Variants in SLC30A9 observed in about 807,000 individuals in gnomAD.
SLC30A9 encodes solute carrier family 30 member 9.
SLC30A9 carries 58 observed loss-of-function variants against 87.5 expected under a neutral mutation model. The observed-to-expected ratio is 0.66, with a 90% CI of 0.54 to 0.82. The LOEUF is 0.82. Ranked by LOEUF, SLC30A9 falls within the 40% of genes least tolerant of loss-of-function variation. SLC30A9 has a pLI of 0.00. For missense variants in SLC30A9, 557 were observed against 679.1 expected, an observed-to-expected ratio of 0.82 and a Z score of 2.00; for synonymous variants, 234 against 233.0, an observed-to-expected ratio of 1.00 and a Z score of -0.04.
At chr4:42,041,211 G>A (rs1431226327) in intron 8 of SLC30A9, among the ~76,000 whole-genome samples, 1 of 152,148 alleles carries the variant, frequency 6.6e-6, no homozygotes, top group Non-Finnish European at 1.5e-5. Context: ...AATTATAGGA[G>A]CTACAAGATG....
chr4:42,035,365 T>C (rs1716637315), intron 7 of SLC30A9, 32 bp downstream of exon 7: 1 of 1,593,012 alleles, frequency 6.3e-7, no homozygotes, highest in Non-Finnish European at 8.6e-7. Flanking sequence ...TGTGTGTGTT[T>C]GTGTTGCACA....
intron 2 of SLC30A9, among the ~76,000 whole-genome samples, chr4:42,010,284 G>T (rs1006020443): frequency 1.3e-5 from 2 of 151,974 alleles, no homozygotes; most frequent in Admixed American, 1.3e-4. Context: ...ACCAGCCTGG[G>T]TAACATGGGG....
chr4:42,084,889 G>C (rs1464857596), intron 17 of SLC30A9, among the ~76,000 whole-genome samples: 1 of 152,200 alleles, frequency 6.6e-6, no homozygotes, highest in Non-Finnish European at 1.5e-5. Context: ...ACTACCAAAC[G>C]TAAGTCCACT....
intron 2 of SLC30A9, among the ~76,000 whole-genome samples, chr4:42,002,584 A>G (rs1283331684): frequency 6.6e-6 from 1 of 152,008 alleles, no homozygotes; most frequent in African/African-American, 2.4e-5. Flanking sequence ...AGCTACATCC[A>G]TGTTGTTGCA....
intron 1 of SLC30A9, among the ~76,000 whole-genome samples, chr4:41,997,145 A>G (rs747256496): frequency 8.1e-5 from 11 of 136,174 alleles, no homozygotes; most frequent in Non-Finnish European, 1.6e-4. Context: ...ATCATCTCCT[A>G]TTGTTTCCTA....
intron 1 of SLC30A9, among the ~76,000 whole-genome samples, chr4:41,991,759 G>T (rs1239669110): frequency 6.6e-6 from 1 of 152,036 alleles, no homozygotes; most frequent in Non-Finnish European, 1.5e-5. Context: ...TAAAAACATA[G>T]GTTTGAAAAA....
chr4:42,068,506 A>G (rs1277384479), intron 14 of SLC30A9, among the ~76,000 whole-genome samples: 1 of 152,208 alleles, frequency 6.6e-6, no homozygotes, highest in Non-Finnish European at 1.5e-5. Flanking sequence ...TGGCCTCCCA[A>G]AGTGCTGGGA....
At chr4:42,066,827 T>C (rs562921073) in intron 13 of SLC30A9, among the ~76,000 whole-genome samples, 2 of 152,340 alleles carry the variant, frequency 1.3e-5, no homozygotes, top group East Asian at 3.9e-4. Context: ...TGGATTTGAC[T>C]TAAGTGAACT....
At chr4:42,066,937 G>A (rs2153140262) in intron 13 of SLC30A9, 148 bp from the exon 14 acceptor site, 1 of 567,608 alleles carries the variant, frequency 1.8e-6, no homozygotes, top group Non-Finnish European at 3.1e-6. Context: ...TTTGCATTGA[G>A]CAAGGTTTTT....
intron 2 of SLC30A9, among the ~76,000 whole-genome samples, chr4:42,002,418 C>A (rs1179077038): frequency 6.6e-6 from 1 of 151,060 alleles, no homozygotes; most frequent in Non-Finnish European, 1.5e-5. Context: ...ACCATTGCTG[C>A]CCTCTCTCTC....
chr4:42,060,157 A>G, intron 9 of SLC30A9, 34 bp from the exon 10 acceptor site: 1 of 1,552,636 alleles, frequency 6.4e-7, no homozygotes, highest in South Asian at 1.1e-5. Flanking sequence ...CATCTTGCTA[A>G]TGATTATTCA....
At chr4:42,037,784 A>ATATTT (rs1261734826) in intron 7 of SLC30A9, among the ~76,000 whole-genome samples, 4 of 152,104 alleles carry the variant, frequency 2.6e-5, no homozygotes, top group East Asian at 3.9e-4. Flanking sequence ...GAATTTTTTA[A>ATATTT]TATTTTATTT....
intron 15 of SLC30A9, among the ~76,000 whole-genome samples, chr4:42,072,734 C>A (rs1324258923): frequency 6.6e-6 from 1 of 150,942 alleles, no homozygotes; most frequent in African/African-American, 2.4e-5. Context: ...GTAGAGTGTT[C>A]TGTAGATGTT....
chr4:42,008,138 A>T (rs1049578936), intron 2 of SLC30A9, among the ~76,000 whole-genome samples: 1 of 152,164 alleles, frequency 6.6e-6, no homozygotes, highest in African/African-American at 2.4e-5. Flanking sequence ...GTTCGGAGAA[A>T]ATGGCAAGCT....
chr4:42,080,869 GA>G (rs1718720568), intron 17 of SLC30A9, among the ~76,000 whole-genome samples: 1 of 152,168 alleles, frequency 6.6e-6, no homozygotes, highest in African/African-American at 2.4e-5. Flanking sequence ...ATAACATTAT[GA>G]ATTAGTATTT....
rs76634924 is a variant in SLC30A9 at position 41,994,168 on chromosome 4, A to AAAAG, written c.109+3410_109+3411insAGAA. ...GAAACTCCATCTCAAAAGAAAAAAA[A>AAAAG]AAGTTATAATTTAGAAGAATAGTGA... On this transcript the variant is annotated intron_variant, in intron 1 of 17. Transcript: ENST00000264451. Among the ~76,000 whole-genome samples the AAAAG allele has an allele frequency of 9.2e-5, 14 of 151,514 alleles. No homozygotes were observed. The East Asian group carries it at 1.7e-3, about 19-fold the overall frequency.
chr4:42,056,504 A>G (rs1717619032), intron 9 of SLC30A9, among the ~76,000 whole-genome samples: 1 of 152,182 alleles, frequency 6.6e-6, no homozygotes, highest in African/African-American at 2.4e-5. Context: ...TCACGAGAAC[A>G]GCCGAGGAAA....
Position 42,020,526 on chromosome 4 carries a change from T to A in SLC30A9, c.434+11T>A, listed in dbSNP as rs200854501. The stretch of plus-strand genomic sequence containing the variant: ...CTGCCTCAAATCCAGGTAATTTTTT[T>A]AAAAAATGTAGCCGTGTGTCATATC... On this transcript the variant is annotated intron_variant, in intron 4 of 17. Transcript: ENST00000264451. 1,370 of 1,434,660 alleles carry A rather than the reference T, an allele frequency of 9.5e-4. 3 individuals are homozygous for A. In the African/African-American group the frequency reaches 0.013, roughly 14 times the overall value. The allele number at this position is 1,434,660 out of a possible 1,614,324, so 88.9% of individuals were successfully genotyped here. A position where few individuals can be genotyped will look rare whatever the true frequency, so the allele number is the denominator to read the frequency against.
chr4:42,037,643 G>A (rs1716745941), intron 7 of SLC30A9, among the ~76,000 whole-genome samples: 1 of 151,880 alleles, frequency 6.6e-6, no homozygotes, highest in Non-Finnish European at 1.5e-5. Context: ...AAAGAACCTT[G>A]TTTATTGTGA....
Sources: gnomAD v4.1 joint callset for allele counts (sites outside exome capture counted in the v4.1 genomes callset) on GRCh38, gnomAD v4.1.1 for gene constraint, MANE v1.5 for transcripts, NCBI Gene and HGNC (gene_info 2026-07-23, HGNC 2026-07-21) for gene names.